RASGEF1C: variants seen among roughly 807,000 people sequenced by gnomAD.
The protein encoded by RASGEF1C is RasGEF domain family member 1C.
In RASGEF1C, 27 loss-of-function variants were observed where a neutral mutation model predicts 58.1. That is an observed-to-expected ratio of 0.46 (90% CI 0.34 to 0.64). RASGEF1C has a LOEUF of 0.64. Ranked by LOEUF, RASGEF1C falls within the 30% of genes least tolerant of loss-of-function variation. RASGEF1C has a pLI of 0.01. For missense variants in RASGEF1C, 502 were observed against 605.1 expected (o/e 0.83, Z 1.79); for synonymous variants, 243 against 246.3 (o/e 0.99, Z 0.13).
intron 1 of RASGEF1C, among the ~76,000 whole-genome samples, chr5:180,139,328 A>C (rs1203884502): frequency 6.6e-6 from 1 of 151,998 alleles, no homozygotes; most frequent in African/African-American, 2.4e-5. Context: ...TCTTCTATGG[A>C]CTCTGAGGCT....
At chr5:180,141,021 G>A (rs1766569663) in intron 1 of RASGEF1C, among the ~76,000 whole-genome samples, 1 of 152,234 alleles carries the variant, frequency 6.6e-6, no homozygotes, top group Admixed American at 6.5e-5. Context: ...CATGTAACGA[G>A]GGTCCCTCGC....
At chr5:180,131,455 T>G (rs1193046879) in intron 4 of RASGEF1C, among the ~76,000 whole-genome samples, 1 of 152,090 alleles carries the variant, frequency 6.6e-6, no homozygotes, top group Non-Finnish European at 1.5e-5. Flanking sequence ...GAAGCTCAAG[T>G]GCTGTTTCCC....
At chr5:180,174,729 A>G (rs575784374) in intron 1 of RASGEF1C, among the ~76,000 whole-genome samples, 66 of 152,288 alleles carry the variant, frequency 4.3e-4, no homozygotes, top group African/African-American at 1.5e-3. Context: ...GCTGTGGTCC[A>G]CAGCCAGCAC....
intron 3 of RASGEF1C, among the ~76,000 whole-genome samples, chr5:180,136,936 G>A (rs1295183828): frequency 2.6e-5 from 4 of 152,174 alleles, no homozygotes; most frequent in African/African-American, 4.8e-5. Flanking sequence ...CACTGGGCCA[G>A]TAGAGAAAAG....
intron 1 of RASGEF1C, among the ~76,000 whole-genome samples, chr5:180,196,505 GA>G (rs938035774): frequency 1.6e-5 from 2 of 127,936 alleles, no homozygotes; most frequent in African/African-American, 2.9e-5. Flanking sequence ...TCTCAAAAAA[GA>G]AAAAAAAAGA....
At chr5:180,112,870 A>G (rs1335377488) in intron 11 of RASGEF1C, among the ~76,000 whole-genome samples, 73 of 135,324 alleles carry the variant, frequency 5.4e-4, no homozygotes, top group Middle Eastern at 4.6e-3. Context: ...GGAGGGACCG[A>G]GGATGGACGG....
At chr5:180,199,057 A>T (rs1389233451) in intron 1 of RASGEF1C, among the ~76,000 whole-genome samples, 2 of 152,044 alleles carry the variant, frequency 1.3e-5, no homozygotes, top group Admixed American at 6.6e-5. Context: ...AGCCAAAAGG[A>T]CCACACCTCT....
At position 180,158,772 on chromosome 5, in the gene RASGEF1C, G is replaced by A. The variant is rs1306623110; in HGVS notation, c.-6-20714C>T. On this transcript the variant is annotated intron_variant, in intron 1 of 13. Coordinates refer to ENST00000361132, the MANE Select transcript of RASGEF1C (RefSeq NM_175062.4). This position sits in a 1 kb window ranked among gnomAD's most constrained non-coding sequence, Gnocchi z 4.0. ...TGTCCCTCGTGTGGAGCACTTTCCA[G>A]TCTCACGGGCTGGAATCTCGTGCCC... is the stretch of plus-strand genomic sequence containing the variant. Among the ~76,000 whole-genome samples, 1 of 152,258 alleles carries A rather than the reference G, an allele frequency of 6.6e-6. No homozygotes were observed. The highest frequency in any genetic ancestry group is 1.9e-4 in the East Asian group (1 of 5,170).
chr5:180,165,483 A>G (rs13160143), intron 1 of RASGEF1C, among the ~76,000 whole-genome samples: 27,035 of 151,774 alleles, frequency 0.18, 2,688 homozygotes, highest in East Asian at 0.37. Context: ...TAGCCTGGCC[A>G]ACATGGTGAA....
chr5:180,117,053 G>T (rs1766078686), intron 10 of RASGEF1C, among the ~76,000 whole-genome samples: 1 of 152,250 alleles, frequency 6.6e-6, no homozygotes, highest in Non-Finnish European at 1.5e-5. Context: ...CTGGAATGAG[G>T]CAGGTGCTCA....
chr5:180,175,643 C>T (rs146253309), intron 1 of RASGEF1C, among the ~76,000 whole-genome samples: 22 of 152,364 alleles, frequency 1.4e-4, no homozygotes, highest in African/African-American at 5.0e-4. Context: ...CAGTTTAAAA[C>T]GACCACTTCT....
chr5:180,159,265 G>C (rs536606716), intron 1 of RASGEF1C, among the ~76,000 whole-genome samples: 15 of 151,394 alleles, frequency 9.9e-5, no homozygotes, highest in Admixed American at 7.9e-4. Flanking sequence ...TCAGCCTCCC[G>C]AGTAGCTGGG....
In RASGEF1C at chr5:180,120,375, G is replaced by A. The variant is rs1023190407; in HGVS notation, c.804+685C>T. On this transcript the variant is annotated intron_variant, in intron 7 of 13. Transcript: ENST00000361132. ...GGCCGCCTCCTCTCTACTCTTCTCC[G>A]CAGGTGTGGACCCCTCATGAACATG... 4.6e-5 allele frequency among the ~76,000 whole-genome samples: 7 copies of A among 152,266 alleles called. No individual in the cohort carries two copies. The South Asian group carries it at 6.2e-4, about 14-fold the overall frequency.
intron 1 of RASGEF1C, among the ~76,000 whole-genome samples, chr5:180,171,634 A>G (rs566099668): frequency 2.0e-5 from 3 of 152,262 alleles, no homozygotes; most frequent in African/African-American, 2.4e-5. Context: ...TGCAGTGGGC[A>G]CCCTGCAGGG....
chr5:180,127,761 C>A, intron 5 of RASGEF1C, 78 bp from the exon 6 acceptor site: 2 of 1,361,882 alleles, frequency 1.5e-6, no homozygotes, highest in Non-Finnish European at 2.0e-6. Context: ...TGCCGTGGTG[C>A]CCCAGCCCCT....
intron 12 of RASGEF1C, 77 bp downstream of exon 12, chr5:180,111,380 G>A: frequency 1.3e-6 from 2 of 1,595,554 alleles, no homozygotes; most frequent in Non-Finnish European, 1.7e-6. Flanking sequence ...CTCAGAGCAG[G>A]GGTCCTGAAT....
intron 1 of RASGEF1C, among the ~76,000 whole-genome samples, chr5:180,187,037 A>G (rs1460353083): frequency 1.3e-5 from 2 of 152,214 alleles, no homozygotes; most frequent in Non-Finnish European, 2.9e-5. Context: ...AGCCAAAACA[A>G]TCCTGAAAAA....
At chr5:180,145,600 A>G (rs929777338) in intron 1 of RASGEF1C, among the ~76,000 whole-genome samples, 3 of 151,862 alleles carry the variant, frequency 2.0e-5, no homozygotes, top group Admixed American at 1.3e-4. Context: ...GCATCTTTTC[A>G]TTTGCCATTT....
At chr5:180,193,953 G>T (rs181491218) in intron 1 of RASGEF1C, among the ~76,000 whole-genome samples, 8 of 152,030 alleles carry the variant, frequency 5.3e-5, no homozygotes, top group African/African-American at 1.7e-4. Flanking sequence ...GCGGCCCTGG[G>T]AGCTGGGAGA....
Sources: gnomAD v4.1 joint callset for allele counts (sites outside exome capture counted in the v4.1 genomes callset) on GRCh38, gnomAD v4.1.1 for gene constraint, Gnocchi (gnomAD v3.1) non-coding constraint, MANE v1.5 for transcripts, NCBI Gene and HGNC (gene_info 2026-07-23, HGNC 2026-07-21) for gene names.